PUS1: variants seen among roughly 807,000 people sequenced by gnomAD.
PUS1 encodes the protein pseudouridine synthase 1.
Under a neutral mutation model 38.5 loss-of-function variants are expected in PUS1, and 25 were observed. The observed-to-expected ratio is 0.65, with a 90% CI of 0.47 to 0.91. The LOEUF (loss-of-function observed/expected upper bound fraction) is 0.91. PUS1 is among the 40% of genes least tolerant of loss of function. The probability of loss-of-function intolerance (pLI) is 0.00; values close to 1 mark genes in which losing one functional copy is unlikely to be tolerated. For missense variants in PUS1, 597 were observed against 612.3 expected, an observed-to-expected ratio of 0.97 and a Z score of 0.26; for synonymous variants, 282 against 260.4, an observed-to-expected ratio of 1.08 and a Z score of -0.80.
intron 5 of PUS1, among the ~76,000 whole-genome samples, chr12:131,942,411 T>C (rs954022132): frequency 9.2e-5 from 14 of 152,156 alleles, no homozygotes; most frequent in Admixed American, 3.3e-4. Context: ...TTCTTTCTTT[T>C]TTTTTTGTTG....
chr12:131,943,428 G>A, intron 5 of PUS1, 111 bp from the exon 6 acceptor site: 1 of 852,738 alleles, frequency 1.2e-6, no homozygotes, highest in South Asian at 1.3e-5. Flanking sequence ...CCTGATGAGG[G>A]AGTGGTGGGG....
rs1891261020 is a variant in PUS1, at chr12:131,945,674, T to G, written c.*2088T>G. 1 of 152,112 alleles carries G rather than the reference T, an allele frequency of 6.6e-6. No individual in the cohort carries two copies. The highest frequency in any genetic ancestry group is 2.4e-5 in the African/African-American group (1 of 41,408). 9.4% of individuals were successfully genotyped at this position (152,112 alleles called of 1,614,324 possible). A position where few individuals can be genotyped will look rare whatever the true frequency, so the allele number is the denominator to read the frequency against. On this transcript the variant is annotated 3_prime_UTR_variant, in exon 6 of 6. Transcript: ENST00000376649. ...GCCACGCCCGGCTGATTTTTGTATT[T>G]TTGGTAGAGACAGGGTTTCACCATG...
chr12:131,942,448 C>G (rs1891118719), intron 5 of PUS1, among the ~76,000 whole-genome samples: 3 of 152,050 alleles, frequency 2.0e-5, no homozygotes, highest in Non-Finnish European at 4.4e-5. Context: ...GTTCTGTCAC[C>G]CAGGCTGGAG....
Position 131,943,524 on chromosome 12 carries a change from G to A in PUS1, c.1237-15G>A. On this transcript the variant is annotated splice_polypyrimidine_tract_variant and intron_variant, in intron 5 of 5. Coordinates refer to ENST00000376649, the MANE Select transcript of PUS1 (RefSeq NM_025215.6). The stretch of plus-strand genomic sequence containing the variant: ...AGTGCTTGCCTCTTATTCTCCATGT[G>A]GTCTTCTTCTGCAGGTGCCCAGTCC... 1 of 1,610,972 alleles carries A rather than the reference G, an allele frequency of 6.2e-7. No homozygotes were observed. Among genetic ancestry groups the A allele is most frequent in the East Asian group, 2.2e-5 (1 of 44,852 alleles).
At chr12:131,942,532 G>C (rs935718934) in intron 5 of PUS1, among the ~76,000 whole-genome samples, 1 of 151,938 alleles carries the variant, frequency 6.6e-6, no homozygotes. Context: ...TCAGCCTCCC[G>C]AGTAGCTGGG....
chr12:131,937,219 T>C (rs1217716321), intron 3 of PUS1, among the ~76,000 whole-genome samples: 1 of 152,198 alleles, frequency 6.6e-6, no homozygotes, highest in Non-Finnish European at 1.5e-5. Context: ...GAAAATTTCA[T>C]ACCTTCATAA....
rs1478631298 is a variant in PUS1, at chr12:131,932,202, A to G, written c.331A>G (p.Thr111Ala). 6.2e-7 allele frequency: 1 copy of G among 1,614,072 alleles called. No individual in the cohort carries two copies. Among genetic ancestry groups the G allele is most frequent in the South Asian group, 1.1e-5 (1 of 91,080 alleles). The change falls in exon 3 of 6, where the codon ACA becomes GCA. Residue 111 changes from threonine (T) to alanine (A), a missense_variant. By Grantham distance (58) the Thr-to-Ala change is moderately conservative. Transcript: ENST00000376649. ...GAATGTCGGGTCCTCACAATTCAAA[A>G]CAATTGAAGATGACTTGGTGTCCGC... is the stretch of plus-strand genomic sequence containing the variant. ...QRNVGSSQFK[T>A]IEDDLVSALV... is the part of the protein sequence containing the mutation.
chr12:131,939,750 G>T (rs1421472987), intron 4 of PUS1, among the ~76,000 whole-genome samples: 1 of 152,056 alleles, frequency 6.6e-6, no homozygotes, highest in East Asian at 1.9e-4. Context: ...CGCCTCCCGG[G>T]TTCAAGCAGT....
At chr12:131,942,007 C>T (rs1251849418) in intron 5 of PUS1, 24 bp downstream of exon 5, 4 of 1,586,232 alleles carry the variant, frequency 2.5e-6, no homozygotes, top group African/African-American at 1.3e-5. Flanking sequence ...CCCAGCAGTG[C>T]TCAGCAGAAC....
At chr12:131,931,853 T>G in intron 2 of PUS1, 1 of 498,752 alleles carries the variant, frequency 2.0e-6, no homozygotes, top group Non-Finnish European at 3.6e-6. Flanking sequence ...ATAGTCAATG[T>G]TTTTTTTTTA....
intron 4 of PUS1, 94 bp downstream of exon 4, chr12:131,939,369 C>T: frequency 1.2e-6 from 1 of 851,490 alleles, no homozygotes; most frequent in Non-Finnish European, 1.9e-6. Context: ...CCAACTGTCT[C>T]TGATGCAGAA....
At position 131,941,204 on chromosome 12, in the gene PUS1, G is replaced by A. The variant is rs1005385823; in HGVS notation, c.545-88G>A. The A allele has an allele frequency of 2.0e-5, 24 of 1,185,766 alleles. No individual in the cohort carries two copies. The highest frequency in any genetic ancestry group is 1.9e-4 in the Middle Eastern group (1 of 5,290). 73.5% of individuals were successfully genotyped at this position (1,185,766 alleles called of 1,614,324 possible). On this transcript the variant is annotated intron_variant, in intron 4 of 5. Transcript: ENST00000376649. This position sits in a 1 kb window ranked among gnomAD's most constrained non-coding sequence, Gnocchi z 4.4. ...TGGTCGGTGCTCTGGGTAAGGAGAC[G>A]CTGGGGCTCACGCCGTGCTCAGGCT...
rs1593287665 is a variant in PUS1, at chr12:131,931,145, A to G, written c.303+1010A>G. ...AGTTGTTATAACAGCTTTTATGGTG[A>G]AAGTTATAAGTAATAGATTGCTTTT... On this transcript the variant is annotated intron_variant, in intron 2 of 5. Transcript: ENST00000376649. 2.6e-5 allele frequency among the ~76,000 whole-genome samples: 4 copies of G among 152,292 alleles called. No homozygotes were observed. The South Asian group carries it at 8.3e-4, about 32-fold the overall frequency.
In PUS1 at chr12:131,929,577, G is replaced by T. The variant is rs1209822064; in HGVS notation, c.-146G>T. The T allele has an allele frequency of 4.6e-6, 3 of 656,196 alleles. No homozygotes were observed. The highest frequency in any genetic ancestry group is 3.5e-5 in the Admixed American group (1 of 28,654). 40.6% of individuals were successfully genotyped at this position (656,196 alleles called of 1,614,324 possible). A position where few individuals can be genotyped will look rare whatever the true frequency, so the allele number is the denominator to read the frequency against. ...GGGTCAGCTGGAGAGGGGCTGGGGCGCCGGTTTCCCGGAGGTCAGGGGTCA... is the reference window on the plus strand; with the variant it reads ...GGGTCAGCTGGAGAGGGGCTGGGGCTCCGGTTTCCCGGAGGTCAGGGGTCA... On this transcript the variant is annotated 5_prime_UTR_variant, in exon 1 of 6. Coordinates refer to ENST00000376649, the MANE Select transcript of PUS1 (RefSeq NM_025215.6).
intron 3 of PUS1, among the ~76,000 whole-genome samples, chr12:131,938,308 C>T (rs957361383): frequency 7.9e-5 from 12 of 151,988 alleles, no homozygotes; most frequent in African/African-American, 2.4e-4. Context: ...AGCCAGGCAT[C>T]GTGGTGCCTG....
chr12:131,932,985 GT>G (rs1890674745), intron 3 of PUS1, among the ~76,000 whole-genome samples: 1 of 152,118 alleles, frequency 6.6e-6, no homozygotes, highest in African/African-American at 2.4e-5. Flanking sequence ...AGTGAGGAGG[GT>G]AAGGGGAAGA....
chr12:131,932,549 G>A, intron 3 of PUS1: 1 of 593,622 alleles, frequency 1.7e-6, no homozygotes, highest in Non-Finnish European at 3.0e-6. Flanking sequence ...GCTTTCTCTT[G>A]TGTTGATTCT....
rs149378338 is a variant in PUS1, at chr12:131,941,961, C to A, written c.1214C>A (p.Thr405Lys). Residue 405 changes from threonine (T) to lysine (K), a missense_variant, in exon 5 of 6, where the codon ACG becomes AAG. Physicochemically the swap from Thr to Lys is moderately conservative, Grantham distance 78. Coordinates refer to ENST00000376649, the MANE Select transcript of PUS1 (RefSeq NM_025215.6). The surrounding 1 kb of genome is among the most constrained non-coding windows in gnomAD (Gnocchi z 4.4). Reference protein sequence around the residue: ...PIHNFSATALTAGGTGAKVPS... With the variant: ...PIHNFSATALKAGGTGAKVPS... ...CACAACTTCAGTGCCACCGCTCTCACGGCAGGTGGCACGGGCGCCAAGGTA... is the reference window on the plus strand; with the variant it reads ...CACAACTTCAGTGCCACCGCTCTCAAGGCAGGTGGCACGGGCGCCAAGGTA... 1.2e-6 allele frequency: 2 copies of A among 1,612,518 alleles called. No homozygotes were observed. The highest frequency in any genetic ancestry group is 2.2e-5 in the East Asian group (1 of 44,860).
chr12:131,929,630 C>G lies in PUS1; in HGVS notation c.-93C>G. On this transcript the variant is annotated 5_prime_UTR_variant, in exon 1 of 6. Coordinates refer to ENST00000376649, the MANE Select transcript of PUS1 (RefSeq NM_025215.6). Reference sequence around the variant, plus strand: ...AGGAACAGGGCTGCAGCGTCAGGGTCCGAGAGGTTAGGGGTCGGCAGAGGC... The same window carrying G: ...AGGAACAGGGCTGCAGCGTCAGGGTGCGAGAGGTTAGGGGTCGGCAGAGGC... 9.0e-7 allele frequency: 1 copy of G among 1,110,278 alleles called. No individual in the cohort carries two copies. Among genetic ancestry groups the G allele is most frequent in the South Asian group, 1.6e-5 (1 of 62,822 alleles). 68.8% of individuals were successfully genotyped at this position (1,110,278 alleles called of 1,614,324 possible). A position where few individuals can be genotyped will look rare whatever the true frequency, so the allele number is the denominator to read the frequency against.
Sources: gnomAD v4.1 joint callset for allele counts (sites outside exome capture counted in the v4.1 genomes callset) on GRCh38, gnomAD v4.1.1 for gene constraint, Gnocchi (gnomAD v3.1) non-coding constraint, MANE v1.5 for transcripts, NCBI Gene and HGNC (gene_info 2026-07-23, HGNC 2026-07-21) for gene names.